Variants in NLGN1 observed in about 807,000 individuals in gnomAD.
NLGN1 encodes neuroligin-1.
NLGN1 carries 12 observed loss-of-function variants against 65.5 expected under a neutral mutation model. That is an observed-to-expected ratio of 0.18 (90% CI 0.12 to 0.30). The LOEUF (loss-of-function observed/expected upper bound fraction) is 0.30. NLGN1 is among the 10% of genes least tolerant of loss of function. The pLI is 1.00. For missense variants in NLGN1, 750 were observed against 1,007.1 expected (o/e 0.74, Z 3.46); for synonymous variants, 350 against 359.5 (o/e 0.97, Z 0.30).
intron 3 of NLGN1, among the ~76,000 whole-genome samples, chr3:173,697,081 G>A (rs751371563): frequency 2.6e-5 from 4 of 152,148 alleles, no homozygotes; most frequent in Non-Finnish European, 4.4e-5. Context: ...ATGATCAGAA[G>A]TAGTATTGCC....
chr3:173,463,566 T>C (rs956132399), intron 2 of NLGN1, among the ~76,000 whole-genome samples: 2 of 152,218 alleles, frequency 1.3e-5, no homozygotes, highest in African/African-American at 4.8e-5. Context: ...ATCATCGTTG[T>C]CATTGTTGAA....
chr3:173,420,475 CATT>C (rs1198446222), intron 1 of NLGN1, among the ~76,000 whole-genome samples: 1 of 151,762 alleles, frequency 6.6e-6, no homozygotes, highest in African/African-American at 2.4e-5. Flanking sequence ...TCCAGTCTAT[CATT>C]GTTGGACATT....
At chr3:173,852,791 T>TA (rs1727226205) in intron 4 of NLGN1, among the ~76,000 whole-genome samples, 1 of 152,372 alleles carries the variant, frequency 6.6e-6, no homozygotes, top group East Asian at 1.9e-4. Flanking sequence ...CTTACATTTG[T>TA]AAAAATCTTC....
At chr3:173,903,171 G>A (rs1221238141) in intron 4 of NLGN1, among the ~76,000 whole-genome samples, 1 of 152,108 alleles carries the variant, frequency 6.6e-6, no homozygotes, top group African/African-American at 2.4e-5. Flanking sequence ...AAAAGGGATA[G>A]CATTGATGGG....
chr3:173,667,682 T>A lies in NLGN1; in HGVS notation c.493+62591T>A, dbSNP rs1761901598. Among the ~76,000 whole-genome samples, 3 of 152,094 alleles carry A rather than the reference T, an allele frequency of 2.0e-5. No individual in the cohort carries two copies. The South Asian group carries it at 6.2e-4, about 32-fold the overall frequency. On this transcript the variant is annotated intron_variant, in intron 3 of 6. Coordinates refer to ENST00000457714, the Ensembl canonical transcript of NLGN1. ...TCTCACTCTGTTGCCCAGGCCGGAGTACAGTGGCTTGATCTTGGCTCACTG... is the reference window on the plus strand; with the variant it reads ...TCTCACTCTGTTGCCCAGGCCGGAGAACAGTGGCTTGATCTTGGCTCACTG...
intron 4 of NLGN1, among the ~76,000 whole-genome samples, chr3:174,078,269 T>C (rs1410038534): frequency 1.3e-5 from 2 of 152,174 alleles, no homozygotes; most frequent in African/African-American, 2.4e-5. Context: ...TTTGGAGAGA[T>C]GTTTGAAAAC....
At chr3:173,438,990 A>G (rs1217747551) in intron 2 of NLGN1, among the ~76,000 whole-genome samples, 1 of 152,340 alleles carries the variant, frequency 6.6e-6, no homozygotes, top group African/African-American at 2.4e-5. Flanking sequence ...TTTATCAGAG[A>G]TACTCACTTT....
intron 4 of NLGN1, among the ~76,000 whole-genome samples, chr3:174,093,700 C>G (rs1744944726): frequency 6.6e-6 from 1 of 152,156 alleles, no homozygotes; most frequent in African/African-American, 2.4e-5. Context: ...TTAAATTGTT[C>G]ACACCACACA....
At chr3:173,569,127 T>G (rs1275916337) in intron 2 of NLGN1, among the ~76,000 whole-genome samples, 2 of 152,236 alleles carry the variant, frequency 1.3e-5, no homozygotes, top group Non-Finnish European at 2.9e-5. Flanking sequence ...TGTGTTAGTT[T>G]ATCCTATCAG....
In NLGN1 at chr3:173,970,333, C is replaced by T. The variant is rs572254486; in HGVS notation, c.646+162501C>T. 5.3e-5 allele frequency among the ~76,000 whole-genome samples: 8 copies of T among 152,240 alleles called. No individual in the cohort carries two copies. The South Asian group carries it at 1.7e-3, about 32-fold the overall frequency. ...TACAGGGTGCGTTGTGAAAACAGGA[C>T]AATCGCCTCATTGGCCTGAGTCCCG... On this transcript the variant is annotated intron_variant, in intron 4 of 6. Transcript: ENST00000457714.
intron 4 of NLGN1, among the ~76,000 whole-genome samples, chr3:173,917,896 A>T (rs994778486): frequency 6.9e-6 from 1 of 145,208 alleles, no homozygotes; most frequent in African/African-American, 2.8e-5. Context: ...TTTATTGTTG[A>T]TGAATGGCTT....
intron 4 of NLGN1, among the ~76,000 whole-genome samples, chr3:173,856,445 A>T (rs1043428455): frequency 2.0e-5 from 3 of 152,152 alleles, no homozygotes; most frequent in African/African-American, 7.2e-5. Flanking sequence ...CAAATTGAGA[A>T]TATAAGGCAG....
chr3:173,909,765 A>G (rs73035455), intron 4 of NLGN1, among the ~76,000 whole-genome samples: 5,054 of 151,728 alleles, frequency 0.033, 279 homozygotes, highest in African/African-American at 0.11. Context: ...CGCAACCTCC[A>G]CCTCCCAGGT....
chr3:173,678,205 A>G (rs1445474928), intron 3 of NLGN1, among the ~76,000 whole-genome samples: 1 of 152,114 alleles, frequency 6.6e-6, no homozygotes, highest in African/African-American at 2.4e-5. Context: ...TAGTCATTTG[A>G]CAAATGTATA....
intron 3 of NLGN1, among the ~76,000 whole-genome samples, chr3:173,661,003 T>C (rs905347487): frequency 6.6e-6 from 1 of 151,976 alleles, no homozygotes; most frequent in Non-Finnish European, 1.5e-5. Flanking sequence ...TCATAAAATA[T>C]TATCTGAAAA....
intron 4 of NLGN1, among the ~76,000 whole-genome samples, chr3:174,211,113 G>A (rs551061163): frequency 1.1e-4 from 17 of 152,264 alleles, no homozygotes; most frequent in Admixed American, 5.9e-4. Flanking sequence ...GCAGATCTTC[G>A]CAGTGAGTGT....
rs368199891 is a variant in NLGN1 at position 174,067,143 on chromosome 3, A to G, written c.647-208172A>G. 1.5e-4 allele frequency among the ~76,000 whole-genome samples: 23 copies of G among 152,302 alleles called. No individual in the cohort carries two copies. The South Asian group carries it at 3.9e-3, about 26-fold the overall frequency. On this transcript the variant is annotated intron_variant, in intron 4 of 6. Transcript: ENST00000457714. ...AACAAAGTCACAAAGGAATATAGTTATATGATACTATGTTGAAAATTGTCA... is the reference window on the plus strand; with the variant it reads ...AACAAAGTCACAAAGGAATATAGTTGTATGATACTATGTTGAAAATTGTCA...
chr3:174,187,452 C>A (rs1304746391), intron 4 of NLGN1, among the ~76,000 whole-genome samples: 1 of 151,942 alleles, frequency 6.6e-6, no homozygotes, highest in East Asian at 1.9e-4. Context: ...TTGTCCCTGG[C>A]ACACACATGA....
intron 4 of NLGN1, among the ~76,000 whole-genome samples, chr3:173,931,999 T>C (rs1453193605): frequency 6.6e-6 from 1 of 152,112 alleles, no homozygotes; most frequent in African/African-American, 2.4e-5. Context: ...TCTGTTTTGT[T>C]TTGTTTTAAT....
Sources: gnomAD v4.1 joint callset for allele counts (sites outside exome capture counted in the v4.1 genomes callset) on GRCh38, gnomAD v4.1.1 for gene constraint, MANE v1.5 for transcripts, NCBI Gene and HGNC (gene_info 2026-07-23, HGNC 2026-07-21) for gene names.